Variants in GBP7 observed in about 807,000 individuals in gnomAD.
GBP7 encodes the protein guanylate binding protein 7.
GBP7 carries 43 observed loss-of-function variants against 61.3 expected under a neutral mutation model. That is an observed-to-expected ratio of 0.70 (90% CI 0.55 to 0.91). GBP7 has a LOEUF of 0.91. Ranked by LOEUF, GBP7 falls within the 40% of genes least tolerant of loss-of-function variation. The pLI is 0.00. For synonymous variants in GBP7, 267 were observed against 271.0 expected, an observed-to-expected ratio of 0.99 and a Z score of 0.14; for missense variants, 717 against 740.5, an observed-to-expected ratio of 0.97 and a Z score of 0.37.
At chr1:89,135,622 C>A (rs1681782367) in intron 9 of GBP7, among the ~76,000 whole-genome samples, 1 of 152,024 alleles carries the variant, frequency 6.6e-6, no homozygotes, top group African/African-American at 2.4e-5. Context: ...AAAAAAAAAT[C>A]CTTTTTAGAC....
At chr1:89,136,585 C>T (rs961601299) in intron 9 of GBP7, among the ~76,000 whole-genome samples, 3 of 152,012 alleles carry the variant, frequency 2.0e-5, no homozygotes, top group Admixed American at 6.6e-5. Context: ...GAATTTAAGG[C>T]AGAAATAAAT....
chr1:89,148,766 C>T (rs1682124633), intron 7 of GBP7, among the ~76,000 whole-genome samples: 1 of 152,148 alleles, frequency 6.6e-6, no homozygotes, highest in African/African-American at 2.4e-5. Flanking sequence ...GAACTTCTGA[C>T]TTACGGAGCT....
intron 6 of GBP7, 94 bp downstream of exon 6, chr1:89,150,236 C>G (rs1682161080): frequency 8.6e-7 from 1 of 1,169,508 alleles, no homozygotes; most frequent in Non-Finnish European, 1.2e-6. Context: ...CAGATGTTAT[C>G]TCCTTACCAG....
intron 1 of GBP7, among the ~76,000 whole-genome samples, chr1:89,175,190 G>A (rs571533108): frequency 5.2e-4 from 79 of 152,268 alleles, no homozygotes; most frequent in Non-Finnish European, 8.5e-4. Flanking sequence ...ATAATAAAGA[G>A]TGGTTTGTTT....
At chr1:89,143,652 G>A (rs1429332945) in intron 8 of GBP7, among the ~76,000 whole-genome samples, 3 of 152,162 alleles carry the variant, frequency 2.0e-5, no homozygotes, top group Non-Finnish European at 4.4e-5. Flanking sequence ...TACTCCTGGT[G>A]GAATGTGAAG....
chr1:89,160,472 A>G (rs912396899), intron 3 of GBP7, among the ~76,000 whole-genome samples: 4 of 152,196 alleles, frequency 2.6e-5, no homozygotes, highest in Non-Finnish European at 5.9e-5. Context: ...CTTAGATTCC[A>G]GCTTGACTGC....
chr1:89,164,020 C>T (rs1647352286), intron 3 of GBP7, among the ~76,000 whole-genome samples: 1 of 152,022 alleles, frequency 6.6e-6, no homozygotes, highest in African/African-American at 2.4e-5. Flanking sequence ...CAGGTGCCCG[C>T]CTCTGCGCTG....
chr1:89,139,897 A>G (rs1281769015), intron 9 of GBP7, among the ~76,000 whole-genome samples: 1 of 152,148 alleles, frequency 6.6e-6, no homozygotes, highest in Non-Finnish European at 1.5e-5. Flanking sequence ...TTCCTCAGAG[A>G]TCTAGAACTA....
Position 89,141,208 on chromosome 1 carries a change from AG to A in GBP7, c.1468+337del, listed in dbSNP as rs775034030. Among the ~76,000 whole-genome samples the A allele has an allele frequency of 2.6e-3, 385 of 148,970 alleles. 6 individuals carry two copies. Among genetic ancestry groups the A allele is most frequent in the East Asian group, 0.017 (84 of 5,090 alleles). ...TCTGGACCTAAAATAAAAGTTGGAA[AG>A]AAAAAAAAAAAAAGAAAGTAACAGT... On this transcript the variant is annotated intron_variant, in intron 9 of 10. Transcript: ENST00000294671.
intron 9 of GBP7, among the ~76,000 whole-genome samples, chr1:89,133,772 C>T (rs1396610315): frequency 6.6e-6 from 1 of 152,144 alleles, no homozygotes; most frequent in African/African-American, 2.4e-5. Context: ...TGCCATGGAC[C>T]TCTGAAATCC....
intron 3 of GBP7, among the ~76,000 whole-genome samples, chr1:89,158,024 G>C (rs1293162641): frequency 2.0e-5 from 3 of 152,124 alleles, no homozygotes; most frequent in Admixed American, 2.0e-4. Flanking sequence ...CGATCAAGTT[G>C]GCTTCATCCC....
rs749858847 is a variant in GBP7, at chr1:89,132,186, T to TTACA, written c.1876_1879dup (p.Asn627MetfsTer2). 1 of 1,612,916 alleles carries TTACA rather than the reference T, an allele frequency of 6.2e-7. No individual in the cohort carries two copies. Among genetic ancestry groups the TTACA allele is most frequent in the Non-Finnish European group, 8.5e-7 (1 of 1,179,336 alleles). On this transcript the variant is annotated stop_gained and frameshift_variant, in exon 11 of 11. Transcript: ENST00000294671. LOFTEE classifies it low-confidence loss of function (END_TRUNC). ...TTTCTTACCAGGATTTCTCAGCCTA[T>TTACA]TACATAATGAGCTAAGAATTTTCAT...
intron 9 of GBP7, among the ~76,000 whole-genome samples, chr1:89,137,783 T>C (rs1681841152): frequency 6.6e-6 from 1 of 151,902 alleles, no homozygotes; most frequent in African/African-American, 2.4e-5. Context: ...TTCAACATAG[T>C]ACTGGAAGTC....
At chr1:89,136,835 G>A (rs1364374680) in intron 9 of GBP7, among the ~76,000 whole-genome samples, 3 of 151,698 alleles carry the variant, frequency 2.0e-5, no homozygotes, top group Non-Finnish European at 4.4e-5. Flanking sequence ...GTGGAGACAA[G>A]AAAAACCATA....
At position 89,147,850 on chromosome 1, in the gene GBP7, T is replaced by C. The variant is rs549976964; in HGVS notation, c.1153-71A>G. ...AGGGAAGGTCCAACTGTGATCCTCT[T>C]GGAAGAAGTAGTCTCATGGCCTCAG... On this transcript the variant is annotated intron_variant, in intron 7 of 10. Transcript: ENST00000294671. 1.3e-5 allele frequency: 19 copies of C among 1,505,370 alleles called. No individual in the cohort carries two copies. The East Asian group carries it at 4.3e-4, about 34-fold the overall frequency. The allele number at this position is 1,505,370 out of a possible 1,614,324, so 93.3% of individuals were successfully genotyped here. A position where few individuals can be genotyped will look rare whatever the true frequency, so the allele number is the denominator to read the frequency against.
chr1:89,169,894 T>C lies in GBP7; in HGVS notation c.190+1852A>G, dbSNP rs1186648415. Among the ~76,000 whole-genome samples the C allele has an allele frequency of 2.6e-5, 4 of 152,218 alleles. No homozygotes were observed. The East Asian group carries it at 7.7e-4, about 29-fold the overall frequency. ...TAAATTTTCTTTGCTTGTGCCTTCT[T>C]TTTCACTTGACAGGATAATGCTATA... On this transcript the variant is annotated intron_variant, in intron 2 of 10. Coordinates refer to ENST00000294671, the MANE Select transcript of GBP7 (RefSeq NM_207398.3).
chr1:89,132,080 A>T lies in GBP7; in HGVS notation c.*69T>A. 2.3e-6 allele frequency: 3 copies of T among 1,290,654 alleles called. No homozygotes were observed. Among genetic ancestry groups the T allele is most frequent in the Non-Finnish European group, 3.1e-6 (3 of 952,736 alleles). The allele number at this position is 1,290,654 out of a possible 1,614,324, so 80.0% of individuals were successfully genotyped here. On this transcript the variant is annotated 3_prime_UTR_variant, in exon 11 of 11. Coordinates refer to ENST00000294671, the MANE Select transcript of GBP7 (RefSeq NM_207398.3). ...CTTTTTAATTTTAAACTTTTCTTAA[A>T]TGAAACTGCAATAACACATATACTT...
chr1:89,165,237 C>T (rs539133858), intron 2 of GBP7, among the ~76,000 whole-genome samples: 53 of 152,146 alleles, frequency 3.5e-4, no homozygotes, highest in Non-Finnish European at 6.9e-4. Context: ...TGTGGTGGCT[C>T]ACACCTGTAA....
At chr1:89,137,579 A>G (rs1011324215) in intron 9 of GBP7, among the ~76,000 whole-genome samples, 1 of 152,186 alleles carries the variant, frequency 6.6e-6, no homozygotes, top group Admixed American at 6.5e-5. Context: ...TGGGCACAGA[A>G]AAGGCTTTTG....
Sources: allele counts gnomAD v4.1 joint callset (sites outside exome capture counted in the v4.1 genomes callset), GRCh38; gene constraint gnomAD v4.1.1; transcripts MANE v1.5; gene names NCBI Gene and HGNC (gene_info 2026-07-23, HGNC 2026-07-21).